Variants in FMN1 observed in about 807,000 individuals in gnomAD.
FMN1 encodes the protein formin-1.
Under a neutral mutation model 132.4 loss-of-function variants are expected in FMN1, and 110 were observed. The observed-to-expected ratio is 0.83, with a 90% CI of 0.71 to 0.97. The LOEUF (loss-of-function observed/expected upper bound fraction) is 0.97. FMN1 is among the 50% of genes least tolerant of loss of function. The pLI, the probability that FMN1 is intolerant of heterozygous loss-of-function variation, is 0.00. For missense variants in FMN1, 1,792 were observed against 1,705.3 expected (o/e 1.05, Z -0.90); for synonymous variants, 722 against 651.7 (o/e 1.11, Z -1.64).
At chr15:32,890,546 G>C (rs1027620020) in intron 15 of FMN1, among the ~76,000 whole-genome samples, 3 of 152,132 alleles carry the variant, frequency 2.0e-5, no homozygotes, top group Non-Finnish European at 4.4e-5. Context: ...TTTCATGTTT[G>C]TTGGCCATTT....
At chr15:32,998,250 C>T (rs1269580392) in intron 7 of FMN1, among the ~76,000 whole-genome samples, 1 of 152,190 alleles carries the variant, frequency 6.6e-6, no homozygotes, top group Non-Finnish European at 1.5e-5. Context: ...TAGCCTTCTA[C>T]CTAAATACTG....
At chr15:32,908,195 A>C (rs762533750) in intron 12 of FMN1, 12 of 256,914 alleles carry the variant, frequency 4.7e-5, no homozygotes, top group Non-Finnish European at 8.0e-5. Context: ...TTCCTCAGTT[A>C]CCCTTTTGGT....
chr15:32,933,306 T>C (rs1051984213), intron 9 of FMN1, among the ~76,000 whole-genome samples: 1 of 152,236 alleles, frequency 6.6e-6, no homozygotes, highest in African/African-American at 2.4e-5. Context: ...CCTGCTATTA[T>C]TTCTAGTTTC....
At chr15:32,789,407 CATA>C (rs1267327371) in intron 19 of FMN1, among the ~76,000 whole-genome samples, 3 of 152,110 alleles carry the variant, frequency 2.0e-5, no homozygotes, top group Non-Finnish European at 4.4e-5. Flanking sequence ...TCACTTGAGA[CATA>C]ATATTTTTAG....
intron 7 of FMN1, among the ~76,000 whole-genome samples, chr15:32,976,950 G>A (rs1415976131): frequency 6.6e-6 from 1 of 152,102 alleles, no homozygotes; most frequent in Non-Finnish European, 1.5e-5. Context: ...GACATTCTGG[G>A]GGACGTTAAT....
Position 32,964,224 on chromosome 15 carries a change from T to C in FMN1, c.3021A>G (p.Leu1007=). Residue 1007 remains leucine (L), a synonymous_variant, in exon 9 of 21, where the codon TTA becomes TTG. Coordinates refer to ENST00000616417, the MANE Select transcript of FMN1 (RefSeq NM_001277313.2). ...TGGGGTCCCGAATGTCAGGTTCTTC[T>C]AAGGAGTCCCATAAGGTTGGTGTAG... is the stretch of plus-strand genomic sequence containing the variant. ...QNATPTLWDS[L]EEPDIRDPSE... 1.9e-6 allele frequency: 3 copies of C among 1,611,494 alleles called. No individual in the cohort carries two copies. Among genetic ancestry groups the C allele is most frequent in the Non-Finnish European group, 2.5e-6 (3 of 1,178,422 alleles).
At chr15:32,799,404 C>A (rs1223590273) in intron 18 of FMN1, among the ~76,000 whole-genome samples, 7 of 152,166 alleles carry the variant, frequency 4.6e-5, no homozygotes, top group African/African-American at 1.7e-4. Flanking sequence ...CAAGAAAATC[C>A]ATTCTATCCT....
At chr15:32,838,674 T>C (rs1385701745) in intron 17 of FMN1, among the ~76,000 whole-genome samples, 1 of 152,192 alleles carries the variant, frequency 6.6e-6, no homozygotes, top group African/African-American at 2.4e-5. Context: ...AGGAAAGATA[T>C]TACCCTACAG....
At chr15:32,920,335 CAG>C (rs1321875540) in intron 10 of FMN1, among the ~76,000 whole-genome samples, 1 of 152,112 alleles carries the variant, frequency 6.6e-6, no homozygotes, top group African/African-American at 2.4e-5. Context: ...ATTACTTATT[CAG>C]AGTCTCTCCT....
chr15:32,812,015 T>TAAACAAACAAAC (rs71424675), intron 17 of FMN1, among the ~76,000 whole-genome samples: 7 of 150,480 alleles, frequency 4.7e-5, no homozygotes, highest in East Asian at 2.0e-4. Flanking sequence ...TTATGGACAC[T>TAAACAAACAAAC]AAACAAACAA....
intron 4 of FMN1, among the ~76,000 whole-genome samples, chr15:33,140,875 G>A (rs1387136327): frequency 6.6e-6 from 1 of 152,118 alleles, no homozygotes; most frequent in Non-Finnish European, 1.5e-5. Flanking sequence ...GTATAAACTA[G>A]GATCTTATTT....
intron 4 of FMN1, among the ~76,000 whole-genome samples, chr15:33,100,038 G>A (rs1426997899): frequency 6.6e-6 from 1 of 152,148 alleles, no homozygotes; most frequent in Non-Finnish European, 1.5e-5. Flanking sequence ...GTGTCCAAAA[G>A]AGGAATGCTT....
At chr15:33,189,094 G>C (rs748619446) in intron 2 of FMN1, among the ~76,000 whole-genome samples, 1 of 152,034 alleles carries the variant, frequency 6.6e-6, no homozygotes, top group African/African-American at 2.4e-5. Context: ...AATTGTTTTC[G>C]GAGGTTAAAA....
At chr15:33,048,809 GACTT>G in intron 6 of FMN1, among the ~76,000 whole-genome samples, 1 of 152,004 alleles carries the variant, frequency 6.6e-6, no homozygotes, top group Middle Eastern at 3.4e-3. Flanking sequence ...GATTTCATGA[GACTT>G]ACTATTATGA....
intron 5 of FMN1, among the ~76,000 whole-genome samples, chr15:33,071,076 A>AG (rs1303281127): frequency 1.3e-5 from 2 of 152,200 alleles, no homozygotes; most frequent in Non-Finnish European, 2.9e-5. Flanking sequence ...GTTTCAGCCC[A>AG]GTTCATTGGT....
At chr15:32,947,941 G>A (rs1194205110) in intron 9 of FMN1, among the ~76,000 whole-genome samples, 6 of 151,692 alleles carry the variant, frequency 4.0e-5, no homozygotes, top group African/African-American at 1.5e-4. Context: ...TATTTTATTT[G>A]ATTTCTTTGC....
At chr15:32,942,723 C>T (rs925489738) in intron 9 of FMN1, among the ~76,000 whole-genome samples, 2 of 152,156 alleles carry the variant, frequency 1.3e-5, no homozygotes, top group African/African-American at 4.8e-5. Context: ...ATACTCAGTT[C>T]CAGTCACAGG....
intron 10 of FMN1, among the ~76,000 whole-genome samples, chr15:32,912,691 T>C (rs1407280018): frequency 2.0e-5 from 3 of 151,652 alleles, no homozygotes; most frequent in Non-Finnish European, 4.4e-5. Context: ...CAGGGAGAGG[T>C]AACTGCAAAG....
rs956569263 is a variant in FMN1, at chr15:33,007,378, T to C, written c.2223+636A>G. On this transcript the variant is annotated intron_variant, in intron 7 of 20. Transcript: ENST00000616417. The stretch of plus-strand genomic sequence containing the variant: ...CAGTGCCTGATTCAGTATCCAGTTA[T>C]TTGAAGTTAAGATTCTGAACTTTCT... Among the ~76,000 whole-genome samples the C allele has an allele frequency of 3.3e-5, 5 of 152,164 alleles. No individual in the cohort carries two copies. The South Asian group carries it at 6.2e-4, about 19-fold the overall frequency.
Sources: allele counts gnomAD v4.1 joint callset (sites outside exome capture counted in the v4.1 genomes callset), GRCh38; gene constraint gnomAD v4.1.1; transcripts MANE v1.5; gene names NCBI Gene and HGNC (gene_info 2026-07-23, HGNC 2026-07-21).